Variants in KIRREL3 observed in about 807,000 individuals in gnomAD.
KIRREL3 encodes the protein kin of IRRE-like protein 3.
KIRREL3 carries 36 observed loss-of-function variants against 89.7 expected under a neutral mutation model. The observed-to-expected ratio is 0.40, with a 90% CI of 0.31 to 0.53. The LOEUF is 0.53. Among genes scored for constraint, KIRREL3 ranks in the 20% least tolerant of loss-of-function variants. The pLI is 0.49. For missense variants in KIRREL3, 864 were observed against 1,056.6 expected, an observed-to-expected ratio of 0.82 and a Z score of 2.53; for synonymous variants, 445 against 441.4, an observed-to-expected ratio of 1.01 and a Z score of -0.10.
rs181317445 is a variant in KIRREL3, at chr11:126,653,398, G to C, written c.56-90486C>G. Among the ~76,000 whole-genome samples, 502 of 152,240 alleles carry C rather than the reference G, an allele frequency of 3.3e-3. 2 individuals are homozygous for C. The highest frequency in any genetic ancestry group is 3.9e-3 in the Non-Finnish European group (266 of 68,004). Reference sequence around the variant, plus strand: ...AGTTTGTAAGTAGGCATTTGACCTTGTGGGGAATCACTCTCTAGCGCCTCA... The same window carrying C: ...AGTTTGTAAGTAGGCATTTGACCTTCTGGGGAATCACTCTCTAGCGCCTCA... On this transcript the variant is annotated intron_variant, in intron 1 of 16. Transcript: ENST00000525144. This position sits in a 1 kb window ranked among gnomAD's most constrained non-coding sequence, Gnocchi z 5.4.
chr11:126,539,263 G>GTAATGCACGGA (rs1938165358), intron 2 of KIRREL3, among the ~76,000 whole-genome samples: 1 of 152,196 alleles, frequency 6.6e-6, no homozygotes, highest in Non-Finnish European at 1.5e-5. Context: ...AAGCCTAGCA[G>GTAATGCACGGA]GCTGGGTGCA....
rs9326284 is a variant in KIRREL3, at chr11:126,748,143, G to T, written c.56-185231C>A. Among the ~76,000 whole-genome samples, 1 of 151,942 alleles carries T rather than the reference G, an allele frequency of 6.6e-6. No individual in the cohort carries two copies. Among genetic ancestry groups the T allele is most frequent in the Admixed American group, 6.5e-5 (1 of 15,274 alleles). The stretch of plus-strand genomic sequence containing the variant: ...GCTGAATTGTTTTTATGTTATTCCC[G>T]TTCCAGTGACTTCAGAGGTGGCCCA... On this transcript the variant is annotated intron_variant, in intron 1 of 16. Coordinates refer to ENST00000525144, the MANE Select transcript of KIRREL3 (RefSeq NM_032531.4). The surrounding 1 kb of genome is among the most constrained non-coding windows in gnomAD (Gnocchi z 4.6).
chr11:126,763,794 T>C lies in KIRREL3; in HGVS notation c.56-200882A>G, dbSNP rs1306019516. On this transcript the variant is annotated intron_variant, in intron 1 of 16. Transcript: ENST00000525144. The surrounding 1 kb of genome is among the most constrained non-coding windows in gnomAD (Gnocchi z 4.7). ...TGTCCACAAAGCACTTGACACACAG[T>C]AGGCACTGAGTAAATTCTAGCTTCC... 6.6e-6 allele frequency among the ~76,000 whole-genome samples: 1 copy of C among 152,094 alleles called. No individual in the cohort carries two copies. Among genetic ancestry groups the C allele is most frequent in the African/African-American group, 2.4e-5 (1 of 41,394 alleles).
chr11:126,692,074 T>C (rs901533035), intron 1 of KIRREL3, among the ~76,000 whole-genome samples: 9 of 152,142 alleles, frequency 5.9e-5, no homozygotes, highest in Non-Finnish European at 1.0e-4. Context: ...GTTGGTGGTG[T>C]TGTAAAATGG....
At chr11:126,583,736 C>T (rs1236614159) in intron 1 of KIRREL3, among the ~76,000 whole-genome samples, 34 of 145,446 alleles carry the variant, frequency 2.3e-4, no homozygotes, top group Non-Finnish European at 4.6e-5. Flanking sequence ...GCCCTCAGTA[C>T]GGTGCCTGGC....
At chr11:126,979,423 C>A (rs1454771495) in intron 1 of KIRREL3, among the ~76,000 whole-genome samples, 1 of 152,194 alleles carries the variant, frequency 6.6e-6, no homozygotes, top group African/African-American at 2.4e-5. Context: ...CAACTTACAA[C>A]ATCCCTATAA....
At chr11:126,749,003 G>C (rs1949246822) in intron 1 of KIRREL3, among the ~76,000 whole-genome samples, 1 of 152,138 alleles carries the variant, frequency 6.6e-6, no homozygotes, top group Admixed American at 6.5e-5. Flanking sequence ...GTTCCTATCA[G>C]CTTTTCATCT....
At position 126,635,144 on chromosome 11, in the gene KIRREL3, A is replaced by G. The variant is rs561061234; in HGVS notation, c.56-72232T>C. ...TGAGCAGGATTGAACCTTGAACCCA[A>G]CAAAAGGGTCTGCAGTGAGGCAGGG... is the stretch of plus-strand genomic sequence containing the variant. On this transcript the variant is annotated intron_variant, in intron 1 of 16. Transcript: ENST00000525144. The surrounding 1 kb of genome is among the most constrained non-coding windows in gnomAD (Gnocchi z 4.0). 6.6e-6 allele frequency among the ~76,000 whole-genome samples: 1 copy of G among 152,326 alleles called. No individual in the cohort carries two copies. The highest frequency in any genetic ancestry group is 2.1e-4 in the South Asian group (1 of 4,830).
At position 126,879,917 on chromosome 11, in the gene KIRREL3, G is replaced by A. The variant is rs138305364; in HGVS notation, c.55+120538C>T. ...GAACAGACCATTCCCCCACCACCCC[G>A]CCGCCATCTCAGTTATTCAAGAAGG... is the stretch of plus-strand genomic sequence containing the variant. On this transcript the variant is annotated intron_variant, in intron 1 of 16. Transcript: ENST00000525144. This position sits in a 1 kb window ranked among gnomAD's most constrained non-coding sequence, Gnocchi z 5.4. 1.4e-4 allele frequency among the ~76,000 whole-genome samples: 22 copies of A among 152,148 alleles called. No individual in the cohort carries two copies. In the South Asian group the frequency reaches 2.5e-3, roughly 17 times the overall value.
In KIRREL3 at chr11:126,776,909, G is replaced by A. The variant is rs941820642; in HGVS notation, c.56-213997C>T. ...TGCAGGAGACCGGTGCCCATGGGAA[G>A]CCTCCAAAAGTCTTGAAAGTTTGGA... On this transcript the variant is annotated intron_variant, in intron 1 of 16. Transcript: ENST00000525144. This position sits in a 1 kb window ranked among gnomAD's most constrained non-coding sequence, Gnocchi z 4.7. Among the ~76,000 whole-genome samples the A allele has an allele frequency of 3.4e-4, 52 of 152,206 alleles. No homozygotes were observed. The highest frequency in any genetic ancestry group is 1.2e-3 in the African/African-American group (51 of 41,454).
intron 1 of KIRREL3, among the ~76,000 whole-genome samples, chr11:126,681,609 G>GACAGACACACACACAC (rs143053581): frequency 6.7e-6 from 1 of 150,274 alleles, no homozygotes; most frequent in Non-Finnish European, 1.5e-5. Context: ...TGTATATACA[G>GACAGACACACACACAC]ACACACACAC....
At chr11:126,447,827 G>A (rs926624051) in intron 8 of KIRREL3, among the ~76,000 whole-genome samples, 1 of 152,194 alleles carries the variant, frequency 6.6e-6, no homozygotes, top group African/African-American at 2.4e-5. Flanking sequence ...TTCTTCGGAG[G>A]CTTCAAGGGC....
intron 5 of KIRREL3, among the ~76,000 whole-genome samples, chr11:126,468,407 A>G (rs1956790888): frequency 6.6e-6 from 1 of 152,238 alleles, no homozygotes; most frequent in Admixed American, 6.5e-5. Flanking sequence ...CCAAGGCCCC[A>G]TCCGGCAGTG....
At chr11:126,438,557 T>A (rs1452648113) in intron 11 of KIRREL3, among the ~76,000 whole-genome samples, 2 of 152,186 alleles carry the variant, frequency 1.3e-5, no homozygotes, top group Non-Finnish European at 2.9e-5. Flanking sequence ...AAATGTCCCC[T>A]GGGGCCAGTG....
intron 5 of KIRREL3, among the ~76,000 whole-genome samples, chr11:126,470,595 C>T (rs1439476777): frequency 3.3e-5 from 5 of 152,204 alleles, no homozygotes; most frequent in Non-Finnish European, 5.9e-5. Context: ...CTTATCTTTC[C>T]AGGATTGCTT....
At chr11:126,673,633 G>A (rs888715923) in intron 1 of KIRREL3, among the ~76,000 whole-genome samples, 8 of 152,190 alleles carry the variant, frequency 5.3e-5, no homozygotes, top group Admixed American at 1.3e-4. Context: ...AAATAAATGA[G>A]GGCTCAGGGC....
At chr11:126,779,187 A>G (rs1381338552) in intron 1 of KIRREL3, among the ~76,000 whole-genome samples, 1 of 152,174 alleles carries the variant, frequency 6.6e-6, no homozygotes, top group Non-Finnish European at 1.5e-5. Context: ...CTCATTGTCC[A>G]TACATGGAAG....
chr11:126,518,112 T>C (rs559874731), intron 4 of KIRREL3, among the ~76,000 whole-genome samples: 3 of 152,338 alleles, frequency 2.0e-5, no homozygotes, highest in Admixed American at 2.0e-4. Flanking sequence ...CCTCATTTCC[T>C]GGCTCCCTCC....
intron 1 of KIRREL3, among the ~76,000 whole-genome samples, chr11:126,801,560 C>T (rs747780540): frequency 9.2e-5 from 14 of 152,180 alleles, no homozygotes; most frequent in East Asian, 1.9e-4. Flanking sequence ...GTGCAAAGAG[C>T]GCATGGTTTG....
Sources: gnomAD v4.1 joint callset for allele counts (sites outside exome capture counted in the v4.1 genomes callset) on GRCh38, gnomAD v4.1.1 for gene constraint, Gnocchi (gnomAD v3.1) non-coding constraint, MANE v1.5 for transcripts, NCBI Gene and HGNC (gene_info 2026-07-23, HGNC 2026-07-21) for gene names.